Variants in MEMO1 observed in about 807,000 individuals in gnomAD.
MEMO1 encodes the protein protein MEMO1.
In MEMO1, 6 loss-of-function variants were observed where a neutral mutation model predicts 45.2. That is an observed-to-expected ratio of 0.13 (90% CI 0.07 to 0.26). The LOEUF is 0.26. Among genes scored for constraint, MEMO1 ranks in the 10% least tolerant of loss-of-function variants. The probability of loss-of-function intolerance (pLI) is 1.00; values close to 1 mark genes in which losing one functional copy is unlikely to be tolerated. For missense variants in MEMO1, 184 were observed against 370.5 expected, an observed-to-expected ratio of 0.50 and a Z score of 4.13; for synonymous variants, 78 against 124.3, an observed-to-expected ratio of 0.63 and a Z score of 2.48.
intron 2 of MEMO1, among the ~76,000 whole-genome samples, chr2:31,979,279 C>T (rs1670373977): frequency 6.6e-6 from 1 of 152,138 alleles, no homozygotes; most frequent in African/African-American, 2.4e-5. Flanking sequence ...CTGGGGATTA[C>T]AATTCAAGAT....
At chr2:31,907,786 A>AACACACACAC (rs3065385) in intron 6 of MEMO1, among the ~76,000 whole-genome samples, 25 of 145,308 alleles carry the variant, frequency 1.7e-4, no homozygotes, top group African/African-American at 4.3e-4. Flanking sequence ...CCGTGTCTTA[A>AACACACACAC]ACACACACAC....
intron 2 of MEMO1, among the ~76,000 whole-genome samples, chr2:31,952,993 A>G (rs865945585): frequency 8.5e-5 from 13 of 152,238 alleles, no homozygotes; most frequent in South Asian, 2.1e-4. Context: ...TTAATATAAA[A>G]TCACTGGGTT....
chr2:31,945,501 G>T (rs1666086165), intron 2 of MEMO1, among the ~76,000 whole-genome samples: 1 of 152,012 alleles, frequency 6.6e-6, no homozygotes, highest in African/African-American at 2.4e-5. Context: ...AAAATAAGAG[G>T]CCTAATTCTA....
intron 2 of MEMO1, among the ~76,000 whole-genome samples, chr2:31,958,633 G>GTGTTT (rs754785729): frequency 3.6e-4 from 54 of 152,042 alleles, no homozygotes; most frequent in Middle Eastern, 6.8e-3. Flanking sequence ...ACTGTGTGTG[G>GTGTTT]TGTTTTGTTT....
intron 2 of MEMO1, among the ~76,000 whole-genome samples, chr2:31,967,823 C>G (rs72796840): frequency 0.022 from 3,303 of 152,042 alleles, 67 homozygotes; most frequent in Non-Finnish European, 0.033. Flanking sequence ...GGTTTTTTCC[C>G]CACTAAACAC....
At chr2:31,930,299 G>A (rs1005160346) in intron 4 of MEMO1, among the ~76,000 whole-genome samples, 2 of 152,024 alleles carry the variant, frequency 1.3e-5, no homozygotes, top group South Asian at 2.1e-4. Flanking sequence ...AAAATAATTC[G>A]ATCACATCAG....
chr2:31,905,612 A>G (rs906011381), intron 6 of MEMO1, among the ~76,000 whole-genome samples: 6 of 152,224 alleles, frequency 3.9e-5, no homozygotes, highest in African/African-American at 1.4e-4. Context: ...AAATTCCTGC[A>G]TGTTTTTAAA....
At chr2:32,001,274 C>G (rs1306583010) in intron 2 of MEMO1, among the ~76,000 whole-genome samples, 2 of 151,476 alleles carry the variant, frequency 1.3e-5, no homozygotes, top group Admixed American at 6.6e-5. Context: ...CTCCTGACCT[C>G]GTGATCCGCC....
In MEMO1 at chr2:31,920,894, G is replaced by A; in HGVS notation, c.229C>T (p.Leu77Phe). The A allele has an allele frequency of 6.2e-7, 1 of 1,611,516 alleles. No homozygotes were observed. The highest frequency in any genetic ancestry group is 8.5e-7 in the Non-Finnish European group (1 of 1,178,580). The change falls in exon 5 of 10, where the codon CTT (leucine) becomes TTT (phenylalanine). Residue 77 changes from leucine to phenylalanine, a missense_variant. Leu to Phe is a conservative substitution (Grantham distance 22). Coordinates refer to ENST00000404530, the MANE Select transcript of MEMO1 (RefSeq NM_001301833.4). ...AGGGGCACATGATGAGAAGGCCCAAGGATGAAAATTCTCCGGCTAGGAGAT... is the reference window on the plus strand; with the variant it reads ...AGGGGCACATGATGAGAAGGCCCAAAGATGAAAATTCTCCGGCTAGGAGAT... ...DPSITRRIFI[L>F]GPSHHVPLSR... is the part of the protein sequence containing the mutation.
At chr2:32,010,047 C>A (rs1338858287) in intron 2 of MEMO1, 140 bp downstream of exon 2, 2 of 230,786 alleles carry the variant, frequency 8.7e-6, no homozygotes, top group African/African-American at 2.4e-5. Context: ...GCTCCCTCCC[C>A]ACGCGGTCCG....
intron 6 of MEMO1, among the ~76,000 whole-genome samples, chr2:31,912,951 T>A (rs986272245): frequency 2.6e-5 from 4 of 152,144 alleles, no homozygotes; most frequent in East Asian, 1.9e-4. Flanking sequence ...ACTATTTTTT[T>A]AAAAAGCTCT....
chr2:31,869,668 A>G (rs1673379254), intron 9 of MEMO1, among the ~76,000 whole-genome samples, 180 bp downstream of exon 9: 1 of 152,092 alleles, frequency 6.6e-6, no homozygotes, highest in African/African-American at 2.4e-5. Flanking sequence ...CTGTATTCCA[A>G]TGATAAATAA....
chr2:31,933,212 G>A, intron 3 of MEMO1, among the ~76,000 whole-genome samples: 1 of 146,144 alleles, frequency 6.8e-6, no homozygotes, highest in Non-Finnish European at 1.5e-5. Flanking sequence ...CCCAGCTACT[G>A]AAGAGGCTGA....
chr2:31,933,317 TAAAAAAA>T (rs34487390), intron 3 of MEMO1, among the ~76,000 whole-genome samples: 17 of 24,110 alleles, frequency 7.1e-4, no homozygotes, highest in Non-Finnish European at 8.7e-4. Context: ...ACCACCTCTT[TAAAAAAA>T]AAAAAAAAAA....
intron 2 of MEMO1, among the ~76,000 whole-genome samples, chr2:31,994,550 G>A (rs575236521): frequency 6.6e-6 from 1 of 151,478 alleles, no homozygotes; most frequent in African/African-American, 2.4e-5. Flanking sequence ...GACATCACTT[G>A]AACCTGGGAG....
chr2:31,917,792 A>T, intron 6 of MEMO1, 134 bp downstream of exon 6: 1 of 573,308 alleles, frequency 1.7e-6, no homozygotes, highest in East Asian at 3.1e-5. Flanking sequence ...CCACCTTAAG[A>T]CATTCTTGTC....
chr2:31,969,412 C>T (rs1418470723), intron 2 of MEMO1, among the ~76,000 whole-genome samples: 1 of 128,476 alleles, frequency 7.8e-6, no homozygotes, highest in African/African-American at 2.7e-5. Context: ...TACATATATA[C>T]ACGTATATAT....
At chr2:31,934,929 G>C (rs1180530614) in intron 3 of MEMO1, among the ~76,000 whole-genome samples, 2 of 152,150 alleles carry the variant, frequency 1.3e-5, no homozygotes, top group Admixed American at 1.3e-4. Context: ...AAATGTGATA[G>C]AGTCTAAAAA....
chr2:31,994,361 G>A (rs1311337000), intron 2 of MEMO1, among the ~76,000 whole-genome samples: 2 of 151,768 alleles, frequency 1.3e-5, no homozygotes, highest in African/African-American at 4.8e-5. Context: ...CGGGCGTGGT[G>A]GCTCACACCT....
Sources: allele counts gnomAD v4.1 joint callset (sites outside exome capture counted in the v4.1 genomes callset), GRCh38; gene constraint gnomAD v4.1.1; transcripts MANE v1.5; gene names NCBI Gene and HGNC (gene_info 2026-07-23, HGNC 2026-07-21).